Variants in MALRD1 observed in about 807,000 individuals in gnomAD.
MALRD1 encodes the protein MAM and LDL receptor class A domain containing 1.
In MALRD1, 247 loss-of-function variants were observed where a neutral mutation model predicts 242.1. The observed-to-expected ratio is 1.02, with a 90% confidence interval of 0.92 to 1.13. The LOEUF (loss-of-function observed/expected upper bound fraction) is 1.13, where lower values mean the gene tolerates loss of function less well. Among genes scored for constraint, MALRD1 ranks in the 50% most tolerant of loss-of-function variants. MALRD1 has a pLI of 0.00. For synonymous variants in MALRD1, 995 were observed against 866.6 expected, an observed-to-expected ratio of 1.15 and a Z score of -2.60; for missense variants, 2,989 against 2,533.1, an observed-to-expected ratio of 1.18 and a Z score of -3.86.
At chr10:19,492,434 G>C (rs1837533698) in intron 30 of MALRD1, among the ~76,000 whole-genome samples, 1 of 152,082 alleles carries the variant, frequency 6.6e-6, no homozygotes, top group African/African-American at 2.4e-5. Context: ...GCTCTTCTGG[G>C]CAGTTTGTCT....
chr10:19,586,187 C>T (rs975046160), intron 33 of MALRD1, among the ~76,000 whole-genome samples: 16 of 152,132 alleles, frequency 1.1e-4, no homozygotes, highest in African/African-American at 3.1e-4. Flanking sequence ...TCCCATAGCT[C>T]GGAATAATTT....
chr10:19,595,083 C>G, intron 33 of MALRD1, 111 bp from the exon 34 acceptor site: 1 of 1,076,214 alleles, frequency 9.3e-7, no homozygotes, highest in East Asian at 2.6e-5. Context: ...TAATTTACTT[C>G]AATTAATAAA....
intron 32 of MALRD1, among the ~76,000 whole-genome samples, chr10:19,537,883 T>C (rs1239961417): frequency 6.6e-6 from 1 of 152,154 alleles, no homozygotes; most frequent in South Asian, 2.1e-4. Flanking sequence ...ATTCAGTCCA[T>C]TGCACAGGGA....
chr10:19,215,439 G>A (rs1182605576), intron 18 of MALRD1, among the ~76,000 whole-genome samples: 1 of 152,124 alleles, frequency 6.6e-6, no homozygotes, highest in Non-Finnish European at 1.5e-5. Context: ...TGATATGGAT[G>A]GTCTGTCCCT....
At chr10:19,531,059 C>G in intron 31 of MALRD1, 135 bp from the exon 32 acceptor site, 1 of 708,874 alleles carries the variant, frequency 1.4e-6, no homozygotes. Context: ...ATATATGACT[C>G]CCAAAATCAA....
intron 31 of MALRD1, among the ~76,000 whole-genome samples, chr10:19,528,470 A>G (rs1834196579): frequency 1.3e-5 from 2 of 152,024 alleles, no homozygotes; most frequent in Admixed American, 6.6e-5. Flanking sequence ...GCACACACCT[A>G]TAGTCCCATC....
At chr10:19,063,237 T>C (rs532757840) in intron 1 of MALRD1, among the ~76,000 whole-genome samples, 24 of 152,308 alleles carry the variant, frequency 1.6e-4, no homozygotes, top group African/African-American at 5.3e-4. Context: ...CTGTGCCTTA[T>C]AGAACCTGTA....
intron 21 of MALRD1, among the ~76,000 whole-genome samples, chr10:19,309,882 T>C (rs1438890362): frequency 6.6e-6 from 1 of 151,304 alleles, no homozygotes; most frequent in Non-Finnish European, 1.5e-5. Context: ...CTGCAAAGAC[T>C]ACAAAGGATT....
At chr10:19,273,328 T>C (rs1256008300) in intron 19 of MALRD1, among the ~76,000 whole-genome samples, 1 of 152,194 alleles carries the variant, frequency 6.6e-6, no homozygotes, top group Non-Finnish European at 1.5e-5. Flanking sequence ...GAAAAAGGTT[T>C]GATATTTTCT....
intron 14 of MALRD1, among the ~76,000 whole-genome samples, chr10:19,181,814 T>A (rs1237740056): frequency 6.6e-6 from 1 of 152,158 alleles, no homozygotes; most frequent in Non-Finnish European, 1.5e-5. Context: ...TCTATATGTA[T>A]CCCATAACCT....
chr10:19,225,190 G>A (rs138697383), intron 18 of MALRD1, among the ~76,000 whole-genome samples: 103 of 152,218 alleles, frequency 6.8e-4, no homozygotes, highest in African/African-American at 2.0e-3. Context: ...AACAACAAGC[G>A]TATATGGGAT....
At chr10:19,456,550 C>T (rs1274525922) in intron 29 of MALRD1, among the ~76,000 whole-genome samples, 1 of 133,778 alleles carries the variant, frequency 7.5e-6, no homozygotes, top group Non-Finnish European at 1.5e-5. Context: ...AAGATAACTC[C>T]ATAGAGTTTA....
intron 11 of MALRD1, among the ~76,000 whole-genome samples, chr10:19,154,251 G>A (rs373206472): frequency 4.1e-4 from 62 of 152,286 alleles, no homozygotes; most frequent in African/African-American, 1.4e-3. Flanking sequence ...AACATGTGAT[G>A]GAGTCTATAA....
intron 5 of MALRD1, among the ~76,000 whole-genome samples, chr10:19,117,551 T>A (rs1836915655): frequency 6.6e-6 from 1 of 152,170 alleles, no homozygotes; most frequent in South Asian, 2.1e-4. Context: ...GACAGAAGAT[T>A]TGTAGCTATT....
intron 21 of MALRD1, among the ~76,000 whole-genome samples, chr10:19,315,845 TTTA>T (rs1209040833): frequency 1.4e-5 from 2 of 146,240 alleles, no homozygotes; most frequent in African/African-American, 2.5e-5. Context: ...TTTAAATTAT[TTTA>T]TTATTTATAA....
At chr10:19,310,086 C>T (rs1206220561) in intron 21 of MALRD1, among the ~76,000 whole-genome samples, 1 of 151,420 alleles carries the variant, frequency 6.6e-6, no homozygotes, top group African/African-American at 2.4e-5. Flanking sequence ...GTCAGTGTCT[C>T]ACACAGGCCA....
intron 33 of MALRD1, among the ~76,000 whole-genome samples, chr10:19,590,998 T>C (rs965828265): frequency 1.3e-5 from 2 of 152,224 alleles, no homozygotes; most frequent in South Asian, 2.1e-4. Context: ...CATTATAATA[T>C]GACACATACA....
intron 38 of MALRD1, among the ~76,000 whole-genome samples, chr10:19,712,308 G>GT (rs1422726379): frequency 7.2e-5 from 11 of 152,006 alleles, no homozygotes; most frequent in African/African-American, 2.4e-4. Context: ...CCTAGAATTT[G>GT]TTTTTAAATA....
intron 34 of MALRD1, 139 bp downstream of exon 34, chr10:19,595,596 T>C: frequency 9.4e-7 from 1 of 1,064,016 alleles, no homozygotes; most frequent in Non-Finnish European, 1.3e-6. Context: ...CAGTGTTATG[T>C]TGCAAAACAA....
Sources: allele counts gnomAD v4.1 joint callset (sites outside exome capture counted in the v4.1 genomes callset), GRCh38; gene constraint gnomAD v4.1.1; transcripts MANE v1.5; gene names NCBI Gene and HGNC (gene_info 2026-07-23, HGNC 2026-07-21).